SMOC1: variants seen among roughly 807,000 people sequenced by gnomAD.
The protein encoded by SMOC1 is SPARC related modular calcium binding 1, also known as SPARC-related modular calcium-binding protein 1.
SMOC1 carries 22 observed loss-of-function variants against 56.3 expected under a neutral mutation model. The ratio of observed to expected loss-of-function variants is 0.39; its 90% CI spans 0.28 to 0.56. The LOEUF (loss-of-function observed/expected upper bound fraction) is 0.56, where lower values mean the gene tolerates loss of function less well. Among genes scored for constraint, SMOC1 ranks in the 20% least tolerant of loss-of-function variants. The probability of loss-of-function intolerance (pLI) is 0.61; values close to 1 mark genes in which losing one functional copy is unlikely to be tolerated. For missense variants in SMOC1, 509 were observed against 565.4 expected, an observed-to-expected ratio of 0.90 and a Z score of 1.01; for synonymous variants, 193 against 215.0, an observed-to-expected ratio of 0.90 and a Z score of 0.89.
rs1319215598 is a variant in SMOC1, at chr14:69,975,728, C to G, written c.392C>G (p.Thr131Ser). 6.2e-7 allele frequency: 1 copy of G among 1,612,720 alleles called. No individual in the cohort carries two copies. The change falls in exon 4 of 12, where the codon ACT becomes AGT. Residue 131 changes from threonine to serine, a missense_variant. By Grantham distance (58) the Thr-to-Ser change is moderately conservative. Around this residue, in one of 3 missense-constraint regions of SMOC1, gnomAD observed 315 missense variants for 333.1 expected, o/e 0.95. Coordinates refer to ENST00000361956, the MANE Select transcript of SMOC1 (RefSeq NM_001034852.3). ...TTCCCTGAACAGGTGCAGTGCCATACTTACACTGGGTACTGCTGGTGTGTC... is the reference window on the plus strand; with the variant it reads ...TTCCCTGAACAGGTGCAGTGCCATAGTTACACTGGGTACTGCTGGTGTGTC... The part of the protein sequence containing the change: ...DGSFTQVQCH[T>S]YTGYCWCVTP...
chr14:70,026,663 C>T (rs1316654957), intron 11 of SMOC1, among the ~76,000 whole-genome samples: 1 of 152,192 alleles, frequency 6.6e-6, no homozygotes, highest in Admixed American at 6.5e-5. Flanking sequence ...AATACACCCT[C>T]TTGAACCTCT....
intron 1 of SMOC1, chr14:69,885,797 A>G: frequency 6.3e-7 from 1 of 1,588,740 alleles, no homozygotes; most frequent in South Asian, 1.1e-5. Flanking sequence ...GGCCCGGGCC[A>G]ACAGTCTCTG....
At chr14:69,968,813 C>T (rs7149785) in intron 3 of SMOC1, among the ~76,000 whole-genome samples, 75,569 of 152,038 alleles carry the variant, frequency 0.5, 20,164 homozygotes, top group African/African-American at 0.69. Context: ...TGTTTTGTAG[C>T]TGCTACCAGG....
At chr14:69,919,860 A>G (rs190084518) in intron 1 of SMOC1, among the ~76,000 whole-genome samples, 4 of 152,290 alleles carry the variant, frequency 2.6e-5, no homozygotes, top group East Asian at 1.9e-4. Flanking sequence ...AGATTATCCA[A>G]TATGAAATTA....
chr14:69,910,474 C>T (rs915394438), intron 1 of SMOC1, among the ~76,000 whole-genome samples: 3 of 152,148 alleles, frequency 2.0e-5, no homozygotes, highest in Non-Finnish European at 2.9e-5. Context: ...GTAGAGTATA[C>T]GATGGCCAGG....
chr14:70,016,138 C>T lies in SMOC1; in HGVS notation c.1046+2647C>T, dbSNP rs180966045. 3.3e-5 allele frequency among the ~76,000 whole-genome samples: 5 copies of T among 152,190 alleles called. No individual in the cohort carries two copies. In the East Asian group the frequency reaches 5.8e-4, roughly 18 times the overall value. ...CGTGGGCTCTGCCGCAGGTGGGGGA[C>T]GCAGATGGGCCCTGCTGCCAGGGGA... On this transcript the variant is annotated intron_variant, in intron 10 of 11. Transcript: ENST00000361956.
intron 1 of SMOC1, among the ~76,000 whole-genome samples, chr14:69,943,672 G>T (rs540041591): frequency 1.2e-4 from 14 of 114,844 alleles, no homozygotes; most frequent in Non-Finnish European, 2.1e-4. Context: ...TCCAAGAGTG[G>T]CTTTCCCCCC....
chr14:69,908,676 G>A (rs1884476760), intron 1 of SMOC1, among the ~76,000 whole-genome samples: 1 of 152,166 alleles, frequency 6.6e-6, no homozygotes, highest in Non-Finnish European at 1.5e-5. Flanking sequence ...GGATCTGTGG[G>A]TGCCGTGCTG....
chr14:70,023,144 G>A (rs1385152328), intron 10 of SMOC1, 59 bp from the exon 11 acceptor site: 4 of 1,612,432 alleles, frequency 2.5e-6, no homozygotes, highest in Non-Finnish European at 3.4e-6. Flanking sequence ...CAGGGCTGAT[G>A]GTTCCTGCAA....
intron 1 of SMOC1, among the ~76,000 whole-genome samples, chr14:69,932,625 G>C (rs1433750324): frequency 6.6e-6 from 1 of 152,216 alleles, no homozygotes; most frequent in Non-Finnish European, 1.5e-5. Context: ...TCTTTGTTCT[G>C]ATATCACAGC....
intron 1 of SMOC1, among the ~76,000 whole-genome samples, chr14:69,921,657 A>G (rs565020627): frequency 1.4e-4 from 21 of 152,250 alleles, no homozygotes; most frequent in East Asian, 5.8e-4. Context: ...AAACCTTAGG[A>G]GAATCTTATG....
intron 5 of SMOC1, among the ~76,000 whole-genome samples, chr14:69,978,907 G>A (rs998537678): frequency 1.5e-4 from 23 of 152,082 alleles, no homozygotes; most frequent in African/African-American, 4.8e-4. Context: ...TAGCATGGAA[G>A]ACAGTTGGAG....
chr14:69,903,079 ATCATCTGG>A (rs1025501000), intron 1 of SMOC1, among the ~76,000 whole-genome samples: 1 of 146,636 alleles, frequency 6.8e-6, no homozygotes, highest in Non-Finnish European at 1.5e-5. Flanking sequence ...CTGGCCGCCC[ATCATCTGG>A]GATGTGAGGA....
At chr14:69,988,132 C>T (rs1366438481) in intron 5 of SMOC1, among the ~76,000 whole-genome samples, 1 of 152,238 alleles carries the variant, frequency 6.6e-6, no homozygotes, top group Admixed American at 6.5e-5. Flanking sequence ...CTGCCAGGAA[C>T]TGAGTGTTGC....
At chr14:69,928,499 T>A (rs925752540) in intron 1 of SMOC1, among the ~76,000 whole-genome samples, 6 of 152,252 alleles carry the variant, frequency 3.9e-5, no homozygotes, top group Admixed American at 3.3e-4. Context: ...CCCAGACAGC[T>A]TTATAGCTGG....
chr14:69,915,908 G>C (rs772706742), intron 1 of SMOC1, among the ~76,000 whole-genome samples: 9 of 152,032 alleles, frequency 5.9e-5, no homozygotes, highest in Non-Finnish European at 1.3e-4. Flanking sequence ...AGTTCCTCAG[G>C]GCTCAGCCCT....
At chr14:70,028,922 T>C (rs1384489235) in intron 11 of SMOC1, among the ~76,000 whole-genome samples, 1 of 152,244 alleles carries the variant, frequency 6.6e-6, no homozygotes, top group African/African-American at 2.4e-5. Flanking sequence ...GTGGCTCACA[T>C]GACCAGCGGG....
rs1886144910 is a variant in SMOC1, at chr14:70,031,376, C to T, written c.*1118C>T. On this transcript the variant is annotated 3_prime_UTR_variant, in exon 12 of 12. Transcript: ENST00000361956. Reference sequence around the variant, plus strand: ...GGGTGTGACCTCTCCACTCCTCCATCTCCTGCTGTTGTCCTAGTGGCTATC... The same window carrying T: ...GGGTGTGACCTCTCCACTCCTCCATTTCCTGCTGTTGTCCTAGTGGCTATC... 7.0e-6 allele frequency: 1 copy of T among 142,098 alleles called. No homozygotes were observed. Among genetic ancestry groups the T allele is most frequent in the Non-Finnish European group, 1.5e-5 (1 of 66,296 alleles). The allele number at this position is 142,098 out of a possible 1,614,324, so 8.8% of individuals were successfully genotyped here. A position where few individuals can be genotyped will look rare whatever the true frequency, so the allele number is the denominator to read the frequency against.
chr14:70,006,168 C>T (rs547480163), intron 7 of SMOC1, among the ~76,000 whole-genome samples: 2 of 152,086 alleles, frequency 1.3e-5, no homozygotes, highest in Non-Finnish European at 2.9e-5. Context: ...TTTTTGGGTC[C>T]GCCACTTCCT....
Sources: allele counts gnomAD v4.1 joint callset (sites outside exome capture counted in the v4.1 genomes callset), GRCh38; gene constraint gnomAD v4.1.1; regional missense constraint gnomAD v4.1.1; transcripts MANE v1.5; gene names NCBI Gene and HGNC (gene_info 2026-07-23, HGNC 2026-07-21).